Variants in PROM1 observed in about 807,000 individuals in gnomAD.
PROM1 encodes prominin 1.
A neutral mutation model predicts 116.9 loss-of-function variants in PROM1; 105 were observed. The observed-to-expected ratio is 0.90, with a 90% CI of 0.77 to 1.06. PROM1 has a LOEUF of 1.06. Among genes scored for constraint, PROM1 ranks in the 50% least tolerant of loss-of-function variants. PROM1 has a pLI of 0.00. For synonymous variants in PROM1, 393 were observed against 387.0 expected (o/e 1.02, Z -0.18); for missense variants, 1,122 against 1,045.2 (o/e 1.07, Z -1.01).
intron 2 of PROM1, among the ~76,000 whole-genome samples, chr4:16,048,578 T>A (rs931839228): frequency 1.2e-4 from 19 of 152,190 alleles, no homozygotes; most frequent in Non-Finnish European, 2.6e-4. Flanking sequence ...GTCTCCCTTT[T>A]TTTTTATTTA....
At chr4:15,996,017 A>G (rs1722234974) in intron 15 of PROM1, among the ~76,000 whole-genome samples, 1 of 152,246 alleles carries the variant, frequency 6.6e-6, no homozygotes, top group African/African-American at 2.4e-5. Flanking sequence ...AGCTCGCTTT[A>G]CAACAGGTGC....
At chr4:16,041,790 ATATAT>A (rs1735356229) in intron 2 of PROM1, among the ~76,000 whole-genome samples, 2 of 84,048 alleles carry the variant, frequency 2.4e-5, no homozygotes, top group African/African-American at 1.3e-4. Flanking sequence ...AAATAAATAT[ATATAT>A]ATATATATAT....
chr4:16,039,684 GC>G, intron 2 of PROM1, among the ~76,000 whole-genome samples: 1 of 149,236 alleles, frequency 6.7e-6, no homozygotes. Flanking sequence ...GTTGCAGTGA[GC>G]CGAAATCGCG....
At chr4:15,979,561 A>G (rs1298840664) in intron 25 of PROM1, 98 bp from the exon 26 acceptor site, 2 of 1,435,590 alleles carry the variant, frequency 1.4e-6, no homozygotes, top group South Asian at 1.7e-5. Flanking sequence ...CATGAAAAGT[A>G]TGTAACAATT....
chr4:16,071,438 ATC>A (rs1245360486), intron 2 of PROM1, among the ~76,000 whole-genome samples: 2 of 152,134 alleles, frequency 1.3e-5, no homozygotes, highest in East Asian at 1.9e-4. Flanking sequence ...CGTCCTGAAT[ATC>A]TGTGTCCCCT....
rs1018149966 is a variant in PROM1, at chr4:16,039,021, A to C, written c.221-20T>G. 6.8e-7 allele frequency: 1 copy of C among 1,472,344 alleles called. No individual in the cohort carries two copies. Among genetic ancestry groups the C allele is most frequent in the Non-Finnish European group, 9.0e-7 (1 of 1,109,976 alleles). The allele number at this position is 1,472,344 out of a possible 1,614,324, so 91.2% of individuals were successfully genotyped here. A position where few individuals can be genotyped will look rare whatever the true frequency, so the allele number is the denominator to read the frequency against. On this transcript the variant is annotated intron_variant, in intron 2 of 27. Transcript: ENST00000447510. ...AAGTATCTGGAAAAAAAGCCACAAAATAGCAATATTATTTTTTCAGTAAAA... is the reference window on the plus strand; with the variant it reads ...AAGTATCTGGAAAAAAAGCCACAAACTAGCAATATTATTTTTTCAGTAAAA...
chr4:16,044,184 G>T (rs1578188567), intron 2 of PROM1, among the ~76,000 whole-genome samples: 1 of 152,214 alleles, frequency 6.6e-6, no homozygotes, highest in East Asian at 1.9e-4. Flanking sequence ...CTTTATGTGA[G>T]TCAAAACTCA....
intron 2 of PROM1, chr4:16,055,178 T>C (rs1738721558): frequency 3.4e-6 from 1 of 296,358 alleles, no homozygotes; most frequent in South Asian, 3.2e-5. Flanking sequence ...AACCTAGCAT[T>C]CTCCTAGGCA....
At chr4:16,028,940 T>G (rs975458620) in intron 5 of PROM1, among the ~76,000 whole-genome samples, 1 of 152,230 alleles carries the variant, frequency 6.6e-6, no homozygotes, top group Non-Finnish European at 1.5e-5. Context: ...ACAAGCTTTT[T>G]ACAGAGTAAG....
chr4:16,049,722 T>G (rs534178672), intron 2 of PROM1, among the ~76,000 whole-genome samples: 5 of 151,248 alleles, frequency 3.3e-5, no homozygotes, highest in Non-Finnish European at 5.9e-5. Context: ...TAAATTTATA[T>G]ATATATATAA....
At chr4:15,997,567 C>A (rs766294003) in intron 15 of PROM1, among the ~76,000 whole-genome samples, 7 of 152,104 alleles carry the variant, frequency 4.6e-5, no homozygotes, top group South Asian at 2.1e-4. Context: ...TCAAGCAATT[C>A]TCTTGTCTCA....
At chr4:15,973,411 C>T (rs1398716021) in intron 26 of PROM1, among the ~76,000 whole-genome samples, 1 of 152,210 alleles carries the variant, frequency 6.6e-6, no homozygotes, top group African/African-American at 2.4e-5. Context: ...CACACCACTG[C>T]ATTCCAGCCT....
At chr4:16,011,761 T>G (rs1463050116) in intron 11 of PROM1, among the ~76,000 whole-genome samples, 1 of 152,190 alleles carries the variant, frequency 6.6e-6, no homozygotes, top group Non-Finnish European at 1.5e-5. Context: ...GAATCTTATA[T>G]TATGCAAAAG....
chr4:15,987,562 T>C, intron 20 of PROM1, 101 bp downstream of exon 20: 1 of 1,256,224 alleles, frequency 8.0e-7, no homozygotes, highest in Non-Finnish European at 1.1e-6. Flanking sequence ...CTGAGGCTTT[T>C]TTTTTCAACT....
chr4:15,971,266 G>A, intron 26 of PROM1, 184 bp from the exon 27 acceptor site: 1 of 554,110 alleles, frequency 1.8e-6, no homozygotes, highest in Non-Finnish European at 3.2e-6. Context: ...TGTTTGTATT[G>A]CTTTTAAAAA....
chr4:15,982,462 C>T (rs547943169), intron 23 of PROM1, among the ~76,000 whole-genome samples: 2 of 152,288 alleles, frequency 1.3e-5, no homozygotes, highest in African/African-American at 4.8e-5. Context: ...TGCCTCAATC[C>T]TTTTGGGGAC....
At chr4:16,076,320 T>A (rs1330824698) in intron 1 of PROM1, 1 of 178,166 alleles carries the variant, frequency 5.6e-6, no homozygotes, top group Non-Finnish European at 1.2e-5. Flanking sequence ...GAAGGTCCCT[T>A]CTCAGGAGGG....
intron 13 of PROM1, chr4:16,003,255 G>C: frequency 2.2e-6 from 1 of 456,528 alleles, no homozygotes; most frequent in Non-Finnish European, 4.4e-6. Flanking sequence ...AGCTGGACAT[G>C]TAGGCTGTTT....
intron 11 of PROM1, among the ~76,000 whole-genome samples, chr4:16,012,934 C>G (rs975413747): frequency 2.0e-5 from 3 of 148,580 alleles, no homozygotes; most frequent in African/African-American, 7.4e-5. Flanking sequence ...ATATAATAAT[C>G]TACAGTTTTT....
Sources: gnomAD v4.1 joint callset for allele counts (sites outside exome capture counted in the v4.1 genomes callset) on GRCh38, gnomAD v4.1.1 for gene constraint, MANE v1.5 for transcripts, NCBI Gene and HGNC (gene_info 2026-07-23, HGNC 2026-07-21) for gene names.